OPCML: variants seen among roughly 807,000 people sequenced by gnomAD.
OPCML encodes opioid binding protein/cell adhesion molecule like.
OPCML carries 13 observed loss-of-function variants against 37.8 expected under a neutral mutation model. The ratio of observed to expected loss-of-function variants is 0.34; its 90% CI spans 0.22 to 0.55. OPCML has a LOEUF of 0.55. Among genes scored for constraint, OPCML ranks in the 20% least tolerant of loss-of-function variants. The pLI, the probability that OPCML is intolerant of heterozygous loss-of-function variation, is 0.91. For missense variants in OPCML, 341 were observed against 435.6 expected (o/e 0.78, Z 1.93); for synonymous variants, 176 against 168.8 (o/e 1.04, Z -0.33).
intron 1 of OPCML, among the ~76,000 whole-genome samples, chr11:132,989,924 G>T (rs1946745914): frequency 6.6e-6 from 1 of 152,096 alleles, no homozygotes; most frequent in Non-Finnish European, 1.5e-5. Flanking sequence ...TATCACCCTT[G>T]GATGATTTTC....
chr11:133,197,599 T>C (rs1181849645), intron 1 of OPCML, among the ~76,000 whole-genome samples: 1 of 152,046 alleles, frequency 6.6e-6, no homozygotes, highest in Non-Finnish European at 1.5e-5. Context: ...ATCACAGGAG[T>C]GAGCCAGTCT....
chr11:132,598,619 G>C (rs562869803), intron 3 of OPCML, among the ~76,000 whole-genome samples: 2 of 152,148 alleles, frequency 1.3e-5, no homozygotes, highest in South Asian at 4.2e-4. Flanking sequence ...ATAATGTTTG[G>C]TGTGTCAAAA....
At chr11:133,051,823 C>T (rs1173452325) in intron 1 of OPCML, among the ~76,000 whole-genome samples, 2 of 152,238 alleles carry the variant, frequency 1.3e-5, no homozygotes. Flanking sequence ...CCTCTCTCCA[C>T]CGCCCAAGCC....
At position 132,759,686 on chromosome 11, in the gene OPCML, C is replaced by T. The variant is rs534665562; in HGVS notation, c.147-102367G>A. ...TTTATTGTCTTTTTGATTCTTCTCTCTTTTCTTCCTTATTAGTCTGGCTAG... is the reference window on the plus strand; with the variant it reads ...TTTATTGTCTTTTTGATTCTTCTCTTTTTTCTTCCTTATTAGTCTGGCTAG... On this transcript the variant is annotated intron_variant, in intron 2 of 7. Coordinates refer to ENST00000524381, the MANE Select transcript of OPCML (RefSeq NM_001012393.5). Among the ~76,000 whole-genome samples the T allele has an allele frequency of 7.9e-5, 12 of 152,166 alleles. No homozygotes were observed. The South Asian group carries it at 2.5e-3, about 32-fold the overall frequency.
chr11:132,850,094 C>G (rs1941735907), intron 2 of OPCML, among the ~76,000 whole-genome samples: 1 of 152,148 alleles, frequency 6.6e-6, no homozygotes, highest in Non-Finnish European at 1.5e-5. Flanking sequence ...GAAGTGTGTG[C>G]ATTTTATTTC....
intron 4 of OPCML, among the ~76,000 whole-genome samples, chr11:132,519,863 T>A (rs2096288458): frequency 6.6e-6 from 1 of 152,130 alleles, no homozygotes; most frequent in Non-Finnish European, 1.5e-5. Flanking sequence ...GACAAAGAAG[T>A]AGTAGCAAGA....
chr11:132,702,952 G>A (rs1354013442), intron 2 of OPCML, among the ~76,000 whole-genome samples: 1 of 152,010 alleles, frequency 6.6e-6, no homozygotes, highest in Non-Finnish European at 1.5e-5. Flanking sequence ...TGTTCATGTA[G>A]TGTTTTCCTA....
At chr11:132,815,529 T>C (rs185041553) in intron 2 of OPCML, among the ~76,000 whole-genome samples, 19 of 152,328 alleles carry the variant, frequency 1.2e-4, no homozygotes, top group African/African-American at 4.3e-4. Context: ...CCTGTCTACC[T>C]TAGATTATTT....
intron 1 of OPCML, among the ~76,000 whole-genome samples, chr11:133,319,481 G>A (rs755382080): frequency 1.3e-5 from 2 of 152,080 alleles, no homozygotes; most frequent in Admixed American, 6.6e-5. Context: ...GATTTGTTGC[G>A]CTTAGTGGCA....
At chr11:133,180,598 G>C (rs1376825059) in intron 1 of OPCML, among the ~76,000 whole-genome samples, 2 of 152,190 alleles carry the variant, frequency 1.3e-5, no homozygotes, top group African/African-American at 4.8e-5. Context: ...GAGAGGAAGA[G>C]TGTCTCCGGA....
intron 2 of OPCML, among the ~76,000 whole-genome samples, chr11:132,717,817 G>A (rs1035850623): frequency 6.6e-6 from 1 of 152,144 alleles, no homozygotes; most frequent in Non-Finnish European, 1.5e-5. Context: ...AATTTTGGAA[G>A]TCTGCGATTT....
intron 3 of OPCML, among the ~76,000 whole-genome samples, chr11:132,557,139 C>A (rs534127895): frequency 6.6e-6 from 1 of 152,164 alleles, no homozygotes; most frequent in South Asian, 2.1e-4. Flanking sequence ...AATAACAATA[C>A]CATTTTTACC....
At chr11:132,978,811 GCACA>G (rs1184638342) in intron 1 of OPCML, among the ~76,000 whole-genome samples, 9 of 150,662 alleles carry the variant, frequency 6.0e-5, no homozygotes, top group Non-Finnish European at 1.2e-4. Flanking sequence ...GTATATACAC[GCACA>G]CACAGACATA....
At chr11:132,769,007 T>C (rs1946548944) in intron 2 of OPCML, among the ~76,000 whole-genome samples, 1 of 152,020 alleles carries the variant, frequency 6.6e-6, no homozygotes, top group African/African-American at 2.4e-5. Flanking sequence ...ATTGAGCCTC[T>C]CCTTTCCTGA....
At chr11:133,485,374 T>A (rs1947504510) in intron 1 of OPCML, among the ~76,000 whole-genome samples, 1 of 152,170 alleles carries the variant, frequency 6.6e-6, no homozygotes, top group Non-Finnish European at 1.5e-5. Flanking sequence ...TATGGAGGAA[T>A]TTTTTTAATG....
chr11:132,817,894 TAAAAC>T (rs1939724831), intron 2 of OPCML, among the ~76,000 whole-genome samples: 1 of 152,108 alleles, frequency 6.6e-6, no homozygotes, highest in South Asian at 2.1e-4. Flanking sequence ...TTTAAAGAAA[TAAAAC>T]AAAATATTTT....
chr11:132,952,826 C>A (rs533580115), intron 1 of OPCML, among the ~76,000 whole-genome samples: 1 of 152,292 alleles, frequency 6.6e-6, no homozygotes, highest in South Asian at 2.1e-4. Context: ...GGCACGATGG[C>A]AGCTCTCCAT....
chr11:133,516,954 C>T (rs958998928), intron 1 of OPCML, among the ~76,000 whole-genome samples: 6 of 152,178 alleles, frequency 3.9e-5, no homozygotes, highest in Non-Finnish European at 8.8e-5. Context: ...TGGGGTCTTC[C>T]GTAGCAACGG....
chr11:133,140,422 G>A (rs1949754017), intron 1 of OPCML, among the ~76,000 whole-genome samples: 3 of 148,254 alleles, frequency 2.0e-5, no homozygotes, highest in African/African-American at 7.4e-5. Flanking sequence ...GGCTGAGGCA[G>A]AAGAATCGCT....
Sources: gnomAD v4.1 joint callset for allele counts (sites outside exome capture counted in the v4.1 genomes callset) on GRCh38, gnomAD v4.1.1 for gene constraint, MANE v1.5 for transcripts, NCBI Gene and HGNC (gene_info 2026-07-23, HGNC 2026-07-21) for gene names.